KLHL29: variants seen among roughly 807,000 people sequenced by gnomAD.
KLHL29 encodes the protein kelch like family member 29.
KLHL29 carries 21 observed loss-of-function variants against 80.4 expected under a neutral mutation model. The ratio of observed to expected loss-of-function variants is 0.26; its 90% CI spans 0.19 to 0.38. The LOEUF (loss-of-function observed/expected upper bound fraction) is 0.38, where lower values mean the gene tolerates loss of function less well. Ranked by LOEUF, KLHL29 falls within the 10% of genes least tolerant of loss-of-function variation. KLHL29 has a pLI of 1.00. For synonymous variants in KLHL29, 511 were observed against 526.8 expected (o/e 0.97, Z 0.41); for missense variants, 867 against 1,223.9 (o/e 0.71, Z 4.35).
intron 1 of KLHL29, among the ~76,000 whole-genome samples, chr2:23,391,484 A>G (rs905599185): frequency 1.3e-5 from 2 of 152,190 alleles, no homozygotes; most frequent in African/African-American, 4.8e-5. Context: ...CTGGAGTGCA[A>G]TGGTGCAGTC....
chr2:23,675,127 G>A (rs1332958655), intron 5 of KLHL29, among the ~76,000 whole-genome samples: 4 of 152,094 alleles, frequency 2.6e-5, no homozygotes, highest in African/African-American at 9.7e-5. Flanking sequence ...GGCCCTGCCC[G>A]CACCCCATGA....
intron 3 of KLHL29, among the ~76,000 whole-genome samples, chr2:23,601,552 A>AC (rs1305988846): frequency 6.6e-6 from 1 of 152,160 alleles, no homozygotes; most frequent in Non-Finnish European, 1.5e-5. Flanking sequence ...TGCAAACGAG[A>AC]CCAGGCCAGG....
intron 1 of KLHL29, among the ~76,000 whole-genome samples, chr2:23,395,343 A>G (rs1666424190): frequency 6.6e-6 from 1 of 152,182 alleles, no homozygotes; most frequent in Admixed American, 6.5e-5. Context: ...TCTCCATCAC[A>G]GTAGAGAGGG....
At chr2:23,683,933 G>A (rs978104992) in intron 5 of KLHL29, among the ~76,000 whole-genome samples, 4 of 152,290 alleles carry the variant, frequency 2.6e-5, no homozygotes, top group East Asian at 3.9e-4. Flanking sequence ...AGGTTTTGTG[G>A]TTGTGATTCC....
chr2:23,414,448 G>A (rs1666939325), intron 1 of KLHL29, among the ~76,000 whole-genome samples: 1 of 152,248 alleles, frequency 6.6e-6, no homozygotes, highest in African/African-American at 2.4e-5. Flanking sequence ...CAGACAGTGA[G>A]TAGGAGAGAC....
chr2:23,636,006 C>T (rs1004161282), intron 3 of KLHL29, among the ~76,000 whole-genome samples: 3 of 152,234 alleles, frequency 2.0e-5, no homozygotes, highest in African/African-American at 7.2e-5. Context: ...GTGGCCTGGG[C>T]TTGCAGACAT....
intron 1 of KLHL29, among the ~76,000 whole-genome samples, chr2:23,466,308 T>A (rs1374674598): frequency 6.6e-6 from 1 of 152,248 alleles, no homozygotes; most frequent in East Asian, 1.9e-4. Flanking sequence ...GTGTAATGTG[T>A]AATAAAATAT....
At position 23,467,030 on chromosome 2, in the gene KLHL29, G is replaced by A. The variant is rs139820301; in HGVS notation, c.-153-8530G>A. On this transcript the variant is annotated intron_variant, in intron 1 of 13. Transcript: ENST00000486442. Reference sequence around the variant, plus strand: ...CTGACTGGCTGTGGGACCTGAGCTTGTCACTCACCCTCTCCTGTCACTCAG... The same window carrying A: ...CTGACTGGCTGTGGGACCTGAGCTTATCACTCACCCTCTCCTGTCACTCAG... Among the ~76,000 whole-genome samples, 1,112 of 152,278 alleles carry A rather than the reference G, an allele frequency of 7.3e-3. 15 individuals are homozygous for A. Among genetic ancestry groups the A allele is most frequent in the African/African-American group, 0.024 (999 of 41,564 alleles).
chr2:23,642,315 C>T (rs751772630), intron 4 of KLHL29, 23 bp from the exon 5 acceptor site: 5 of 1,394,030 alleles, frequency 3.6e-6, no homozygotes, highest in South Asian at 1.9e-5. Flanking sequence ...CGGCAGATGA[C>T]GTTTCTTCCA....
intron 3 of KLHL29, among the ~76,000 whole-genome samples, chr2:23,565,132 A>G (rs1416279685): frequency 6.6e-6 from 1 of 152,150 alleles, no homozygotes; most frequent in East Asian, 1.9e-4. Context: ...CGAGTCTCAT[A>G]TTGGTGCTGA....
At chr2:23,582,747 T>C (rs1668018864) in intron 3 of KLHL29, among the ~76,000 whole-genome samples, 1 of 152,204 alleles carries the variant, frequency 6.6e-6, no homozygotes. Context: ...GGAACCCATC[T>C]CTTCTTGAAA....
chr2:23,471,020 C>CA (rs550033126), intron 1 of KLHL29, among the ~76,000 whole-genome samples: 7 of 152,258 alleles, frequency 4.6e-5, no homozygotes, highest in Non-Finnish European at 8.8e-5. Flanking sequence ...ACACTGGGAG[C>CA]AGGCGTTCCT....
At chr2:23,487,022 A>G (rs1664949039) in intron 2 of KLHL29, among the ~76,000 whole-genome samples, 2 of 152,302 alleles carry the variant, frequency 1.3e-5, no homozygotes, top group South Asian at 4.2e-4. Context: ...ACTGAGGTTT[A>G]GAGACTAAAT....
At chr2:23,581,205 C>T (rs1284428595) in intron 3 of KLHL29, among the ~76,000 whole-genome samples, 6 of 152,022 alleles carry the variant, frequency 3.9e-5, no homozygotes, top group South Asian at 4.2e-4. Context: ...CCCCTTGCAC[C>T]GTGGCATGGC....
chr2:23,408,112 C>A (rs1181824805), intron 1 of KLHL29, among the ~76,000 whole-genome samples: 1 of 151,710 alleles, frequency 6.6e-6, no homozygotes, highest in African/African-American at 2.4e-5. Flanking sequence ...TAGTTCTATA[C>A]CACACTGTTT....
At chr2:23,663,363 C>A (rs1359211492) in intron 5 of KLHL29, among the ~76,000 whole-genome samples, 1 of 152,202 alleles carries the variant, frequency 6.6e-6, no homozygotes, top group Non-Finnish European at 1.5e-5. Flanking sequence ...CGGGCTGGGG[C>A]GGGGTTGCCT....
intron 1 of KLHL29, among the ~76,000 whole-genome samples, chr2:23,414,122 A>G (rs958545570): frequency 1.3e-5 from 2 of 152,338 alleles, no homozygotes; most frequent in Middle Eastern, 6.8e-3. Context: ...TTCATTTCAG[A>G]AGAAAGAGGC....
intron 2 of KLHL29, among the ~76,000 whole-genome samples, chr2:23,486,477 A>G (rs577324319): frequency 2.6e-5 from 4 of 152,218 alleles, no homozygotes; most frequent in Admixed American, 6.5e-5. Context: ...TCGATCCCCA[A>G]GGACCAGTCA....
At chr2:23,425,630 G>A (rs1260880445) in intron 1 of KLHL29, among the ~76,000 whole-genome samples, 3 of 152,226 alleles carry the variant, frequency 2.0e-5, no homozygotes, top group Non-Finnish European at 4.4e-5. Flanking sequence ...ATGAAAGGAA[G>A]CCAGTGTCCC....
Sources: allele counts gnomAD v4.1 joint callset (sites outside exome capture counted in the v4.1 genomes callset), GRCh38; gene constraint gnomAD v4.1.1; transcripts MANE v1.5; gene names NCBI Gene and HGNC (gene_info 2026-07-23, HGNC 2026-07-21).